MAP3K4: variants seen among roughly 807,000 people sequenced by gnomAD.
MAP3K4 encodes the protein MAP three kinase 1.
A neutral mutation model predicts 185.6 loss-of-function variants in MAP3K4; 67 were observed. The ratio of observed to expected loss-of-function variants is 0.36; its 90% CI spans 0.30 to 0.44. The LOEUF is 0.44. Among genes scored for constraint, MAP3K4 ranks in the 20% least tolerant of loss-of-function variants. MAP3K4 has a pLI of 1.00. For synonymous variants in MAP3K4, 702 were observed against 710.4 expected (o/e 0.99, Z 0.19); for missense variants, 1,551 against 1,995.1 (o/e 0.78, Z 4.24).
rs780252876 is a variant in MAP3K4 at position 161,086,669 on chromosome 6, T to C, written c.2556+2T>C. 7 of 1,606,390 alleles carry C rather than the reference T, an allele frequency of 4.4e-6. No homozygotes were observed. In the East Asian group the frequency reaches 1.3e-4, roughly 31 times the overall value. On this transcript the variant is annotated splice_donor_variant, in intron 9 of 26. Transcript: ENST00000392142. LOFTEE classifies it high-confidence loss of function. This position sits in a 1 kb window ranked among gnomAD's most constrained non-coding sequence, Gnocchi z 4.8. ...CTGAAATCAAAACAGTATGTCAAGG[T>C]AAGTACTTCAAATGTTGTGATTGAA...
chr6:161,099,696 CCTG>C (rs1367214787), intron 17 of MAP3K4, among the ~76,000 whole-genome samples: 2 of 152,230 alleles, frequency 1.3e-5, no homozygotes, highest in African/African-American at 4.8e-5. Flanking sequence ...GCATCCCACA[CCTG>C]CTGTGTCCAT....
In MAP3K4 at chr6:161,034,571, A is replaced by AG; in HGVS notation, c.343+122_343+123insG. On this transcript the variant is annotated intron_variant, in intron 2 of 26. Transcript: ENST00000392142. The surrounding 1 kb of genome is among the most constrained non-coding windows in gnomAD (Gnocchi z 4.4). ...TGATTTTAATGCTCCTGTAAAGTTC[A>AG]ATTTTTTTTTGAATTATTACCATTA... The AG allele has an allele frequency of 1.5e-6, 1 of 674,456 alleles. No individual in the cohort carries two copies. 41.8% of individuals were successfully genotyped at this position (674,456 alleles called of 1,614,324 possible).
chr6:161,059,528 C>T (rs113071802), intron 3 of MAP3K4, among the ~76,000 whole-genome samples: 40 of 152,196 alleles, frequency 2.6e-4, no homozygotes, highest in African/African-American at 8.4e-4. Flanking sequence ...ATTTATTTTG[C>T]TCATTTTCTG....
rs1020987450 is a variant in MAP3K4 at position 161,000,910 on chromosome 6, C to A, written c.152+8827C>A. On this transcript the variant is annotated intron_variant, in intron 1 of 26. Coordinates refer to ENST00000392142, the MANE Select transcript of MAP3K4 (RefSeq NM_005922.4). ...TATACTATACATATATGTACACACA[C>A]ATATATAGTGTATAATATGCATATA... Among the ~76,000 whole-genome samples, 3 of 147,826 alleles carry A rather than the reference C, an allele frequency of 2.0e-5. No individual in the cohort carries two copies. In the Admixed American group the frequency reaches 2.0e-4, roughly 10 times the overall value.
rs3050257 is a variant in MAP3K4 at position 161,047,117 on chromosome 6, C to CATATATATAT, written c.344-1480_344-1471dup. On this transcript the variant is annotated intron_variant, in intron 2 of 26. Coordinates refer to ENST00000392142, the MANE Select transcript of MAP3K4 (RefSeq NM_005922.4). ...TATGTAGATATATATTTCACTTATG[C>CATATATATAT]ATATATATATATATATATATATATA... 3.6e-3 allele frequency among the ~76,000 whole-genome samples: 485 copies of CATATATATAT among 134,940 alleles called. 7 individuals are homozygous for CATATATATAT. Among genetic ancestry groups the CATATATATAT allele is most frequent in the African/African-American group, 0.013 (450 of 33,820 alleles). The allele number at this position is 134,940 out of a possible 152,430, so 88.5% of individuals were successfully genotyped here. A position where few individuals can be genotyped will look rare whatever the true frequency, so the allele number is the denominator to read the frequency against.
At chr6:161,026,402 T>TG (rs1407502220) in intron 1 of MAP3K4, among the ~76,000 whole-genome samples, 1 of 152,152 alleles carries the variant, frequency 6.6e-6, no homozygotes, top group East Asian at 1.9e-4. Flanking sequence ...CCCAAAGTGC[T>TG]GGGATTACAG....
chr6:161,015,739 G>C (rs1284942159), intron 1 of MAP3K4, among the ~76,000 whole-genome samples: 5 of 152,118 alleles, frequency 3.3e-5, no homozygotes, highest in Non-Finnish European at 1.5e-5. Context: ...CCAGCTCCTA[G>C]GGTAGCGCTT....
chr6:161,053,899 T>C lies in MAP3K4; in HGVS notation c.1707+3920T>C, dbSNP rs1017318677. Among the ~76,000 whole-genome samples, 4 of 152,106 alleles carry C rather than the reference T, an allele frequency of 2.6e-5. No individual in the cohort carries two copies. Among genetic ancestry groups the C allele is most frequent in the African/African-American group, 9.7e-5 (4 of 41,408 alleles). On this transcript the variant is annotated intron_variant, in intron 3 of 26. Transcript: ENST00000392142. The surrounding 1 kb of genome is among the most constrained non-coding windows in gnomAD (Gnocchi z 4.2). ...GTGAGCCACTGCGCCTGGCTAGTGT[T>C]TTTGTTCTTAATTGTTAAAATATCT...
In MAP3K4 at chr6:161,100,991, T is replaced by C. The variant is rs1311205082; in HGVS notation, c.3675-901T>C. 1.3e-5 allele frequency: 2 copies of C among 152,224 alleles called. No individual in the cohort carries two copies. Among genetic ancestry groups the C allele is most frequent in the East Asian group, 1.9e-4 (1 of 5,202 alleles). The allele number at this position is 152,224 out of a possible 1,614,324, so 9.4% of individuals were successfully genotyped here. ...TTATAATTTGTAAATGTCTGTGCAA[T>C]AGATCATGTTGCCTTCAACCTATCA... On this transcript the variant is annotated intron_variant, in intron 17 of 26. Transcript: ENST00000392142. The surrounding 1 kb of genome is among the most constrained non-coding windows in gnomAD (Gnocchi z 5.8).
chr6:161,095,380 GTTCTT>G (rs1777522379), intron 15 of MAP3K4, among the ~76,000 whole-genome samples: 1 of 152,150 alleles, frequency 6.6e-6, no homozygotes, highest in African/African-American at 2.4e-5. Context: ...TTGGTTTTGT[GTTCTT>G]TTCTTACAAA....
rs1005696871 is a variant in MAP3K4, at chr6:161,101,264, C to T, written c.3675-628C>T. 1.2e-4 allele frequency: 18 copies of T among 152,112 alleles called. No homozygotes were observed. Among genetic ancestry groups the T allele is most frequent in the African/African-American group, 3.9e-4 (16 of 41,404 alleles). 9.4% of individuals were successfully genotyped at this position (152,112 alleles called of 1,614,324 possible). On this transcript the variant is annotated intron_variant, in intron 17 of 26. Transcript: ENST00000392142. This position sits in a 1 kb window ranked among gnomAD's most constrained non-coding sequence, Gnocchi z 5.1. ...TTTGTTCTTTAATATATTAAGCTTC[C>T]TGCTCTTTTGCACTTTTGCTTGGCT... is the stretch of plus-strand genomic sequence containing the variant.
chr6:161,003,032 A>G (rs1365304026), intron 1 of MAP3K4, among the ~76,000 whole-genome samples: 1 of 127,484 alleles, frequency 7.8e-6, no homozygotes, highest in African/African-American at 2.5e-5. Context: ...GAATTTGATA[A>G]CATGATATAA....
At position 161,096,885 on chromosome 6, in the gene MAP3K4, G is replaced by A. The variant is rs1196106138; in HGVS notation, c.3428-195G>A. ...GGAGAAAACTGTTAATATATAATAG[G>A]GCTTTACTGACTTTTAAAAAGTGAC... On this transcript the variant is annotated intron_variant, in intron 15 of 26. Transcript: ENST00000392142. This position sits in a 1 kb window ranked among gnomAD's most constrained non-coding sequence, Gnocchi z 4.9. 1 of 504,878 alleles carries A rather than the reference G, an allele frequency of 2.0e-6. No homozygotes were observed. The highest frequency in any genetic ancestry group is 3.0e-5 in the East Asian group (1 of 33,878). 31.3% of individuals were successfully genotyped at this position (504,878 alleles called of 1,614,324 possible). A position where few individuals can be genotyped will look rare whatever the true frequency, so the allele number is the denominator to read the frequency against.
intron 1 of MAP3K4, among the ~76,000 whole-genome samples, chr6:161,014,583 T>C (rs1365116019): frequency 6.6e-6 from 1 of 152,244 alleles, no homozygotes; most frequent in African/African-American, 2.4e-5. Flanking sequence ...ATGAGGATGC[T>C]GAAATCCTGT....
At chr6:161,002,455 G>A (rs910736840) in intron 1 of MAP3K4, among the ~76,000 whole-genome samples, 2 of 151,864 alleles carry the variant, frequency 1.3e-5, no homozygotes, top group African/African-American at 2.4e-5. Context: ...AAATCTTCTC[G>A]CTTAATAAAA....
intron 5 of MAP3K4, among the ~76,000 whole-genome samples, chr6:161,078,961 C>T (rs1390800313): frequency 6.6e-6 from 1 of 152,170 alleles, no homozygotes; most frequent in African/African-American, 2.4e-5. Flanking sequence ...CGACTGTAAT[C>T]CCAACACTTT....
rs5881393 is a variant in MAP3K4, at chr6:161,107,042, A to ACG, written c.4048+345_4048+346dup. Among the ~76,000 whole-genome samples the ACG allele has an allele frequency of 1.1e-3, 161 of 141,852 alleles. No individual in the cohort carries two copies. Among genetic ancestry groups the ACG allele is most frequent in the Admixed American group, 2.3e-3 (30 of 13,032 alleles). 93.1% of individuals were successfully genotyped at this position (141,852 alleles called of 152,430 possible). Reference sequence around the variant, plus strand: ...CTAGTTTCTCTCTCTCTCTCTACACACGCGCGCGCACACACACACACACAC... The same window carrying ACG: ...CTAGTTTCTCTCTCTCTCTCTACACACGCGCGCGCGCACACACACACACACAC... On this transcript the variant is annotated intron_variant, in intron 20 of 26. Transcript: ENST00000392142. The surrounding 1 kb of genome is among the most constrained non-coding windows in gnomAD (Gnocchi z 6.2).
chr6:161,067,120 G>A lies in MAP3K4; in HGVS notation c.1708-3488G>A, dbSNP rs746273586. 3.9e-5 allele frequency: 8 copies of A among 205,656 alleles called. 1 individual carries two copies. Among genetic ancestry groups the A allele is most frequent in the South Asian group, 3.6e-4 (6 of 16,548 alleles). The allele number at this position is 205,656 out of a possible 1,614,324, so 12.7% of individuals were successfully genotyped here. On this transcript the variant is annotated intron_variant, in intron 3 of 26. Transcript: ENST00000392142. This position sits in a 1 kb window ranked among gnomAD's most constrained non-coding sequence, Gnocchi z 6.3. Reference sequence around the variant, plus strand: ...TTTTGCCAAGGTCAAGGATGTGTGCGCCTGTGACACAGCCTCAGGACGTCC... The same window carrying A: ...TTTTGCCAAGGTCAAGGATGTGTGCACCTGTGACACAGCCTCAGGACGTCC...
intron 7 of MAP3K4, among the ~76,000 whole-genome samples, chr6:161,085,553 G>A (rs1047749619): frequency 2.6e-5 from 4 of 152,128 alleles, no homozygotes; most frequent in Non-Finnish European, 4.4e-5. Context: ...AAATGTTTTC[G>A]CTCACCATTC....
Sources: gnomAD v4.1 joint callset for allele counts (sites outside exome capture counted in the v4.1 genomes callset) on GRCh38, gnomAD v4.1.1 for gene constraint, Gnocchi (gnomAD v3.1) non-coding constraint, MANE v1.5 for transcripts, NCBI Gene and HGNC (gene_info 2026-07-23, HGNC 2026-07-21) for gene names.